The following C1orf21 variants were observed in gnomAD, a reference collection of about 807,000 sequenced individuals.
C1orf21 encodes the protein chromosome 1 open reading frame 21, also known as uncharacterized protein C1orf21.
C1orf21 carries 3 observed loss-of-function variants against 18.7 expected under a neutral mutation model. The ratio of observed to expected loss-of-function variants is 0.16; its 90% CI spans 0.07 to 0.42. C1orf21 has a LOEUF of 0.42. Ranked by LOEUF, C1orf21 falls within the 10% of genes least tolerant of loss-of-function variation. The pLI is 0.99. For synonymous variants in C1orf21, 41 were observed against 46.4 expected (o/e 0.88, Z 0.47); for missense variants, 104 against 143.6 (o/e 0.72, Z 1.41).
At chr1:184,504,122 G>A (rs1209392197) in intron 2 of C1orf21, among the ~76,000 whole-genome samples, 23 of 152,110 alleles carry the variant, frequency 1.5e-4, no homozygotes, top group East Asian at 1.9e-4. Context: ...TCACCCAGGC[G>A]TTGCTTTTAC....
intron 3 of C1orf21, among the ~76,000 whole-genome samples, chr1:184,561,869 A>G (rs1232247315): frequency 1.3e-5 from 2 of 152,052 alleles, no homozygotes; most frequent in Admixed American, 6.6e-5. Flanking sequence ...TCCTGACATC[A>G]TGATCCGCCC....
At chr1:184,588,046 T>C (rs1659382707) in intron 3 of C1orf21, among the ~76,000 whole-genome samples, 3 of 152,228 alleles carry the variant, frequency 2.0e-5, no homozygotes, top group Admixed American at 6.5e-5. Context: ...TAGACGGTTA[T>C]CATGGAGAAA....
intron 1 of C1orf21, among the ~76,000 whole-genome samples, chr1:184,390,186 T>A (rs923266025): frequency 1.3e-5 from 2 of 152,210 alleles, no homozygotes; most frequent in South Asian, 4.1e-4. Flanking sequence ...GAGCATTGCT[T>A]TGTTTGTATT....
chr1:184,463,778 A>C (rs1657344705), intron 1 of C1orf21, among the ~76,000 whole-genome samples: 1 of 152,248 alleles, frequency 6.6e-6, no homozygotes, highest in African/African-American at 2.4e-5. Flanking sequence ...GCCAGGTTGG[A>C]CTGAGATGGA....
At chr1:184,496,355 A>G (rs943232719) in intron 2 of C1orf21, among the ~76,000 whole-genome samples, 12 of 152,194 alleles carry the variant, frequency 7.9e-5, no homozygotes, top group African/African-American at 2.9e-4. Flanking sequence ...AAACTGACAT[A>G]GTGAGAGTAT....
intron 1 of C1orf21, among the ~76,000 whole-genome samples, chr1:184,394,687 G>A (rs891794696): frequency 6.6e-6 from 1 of 152,228 alleles, no homozygotes; most frequent in Non-Finnish European, 1.5e-5. Context: ...GACACAGATA[G>A]TCAGGGTGAC....
Position 184,387,854 on chromosome 1 carries a change from G to C in C1orf21, c.-125+486G>C, listed in dbSNP as rs930935056. 6.6e-5 allele frequency among the ~76,000 whole-genome samples: 10 copies of C among 152,340 alleles called. No individual in the cohort carries two copies. The highest frequency in any genetic ancestry group is 3.4e-3 in the Middle Eastern group (1 of 294). ...GTATCCAAGTCCCTTCTCTCGCTCC[G>C]ACTGATTGATGTGTTTGTGTGGGTG... is the stretch of plus-strand genomic sequence containing the variant. On this transcript the variant is annotated intron_variant, in intron 1 of 5. Transcript: ENST00000235307. This position sits in a 1 kb window ranked among gnomAD's most constrained non-coding sequence, Gnocchi z 5.6.
chr1:184,615,713 T>C lies in C1orf21; in HGVS notation c.328-3805T>C, dbSNP rs191735868. 1.8e-4 allele frequency among the ~76,000 whole-genome samples: 28 copies of C among 152,308 alleles called. No homozygotes were observed. The East Asian group carries it at 5.4e-3, about 29-fold the overall frequency. On this transcript the variant is annotated intron_variant, in intron 5 of 5. Transcript: ENST00000235307. ...TCCCTGTCCTGCCCAGTAGGGCCAG[T>C]GTGCAGATGGGGTCCCCTGTGATGC...
chr1:184,581,395 A>G (rs1471486404), intron 3 of C1orf21, among the ~76,000 whole-genome samples: 1 of 151,032 alleles, frequency 6.6e-6, no homozygotes, highest in African/African-American at 2.4e-5. Flanking sequence ...GTGCCACTGC[A>G]CTCCAGCCTG....
intron 1 of C1orf21, among the ~76,000 whole-genome samples, chr1:184,460,891 G>C (rs560246873): frequency 6.6e-6 from 1 of 151,714 alleles, no homozygotes; most frequent in East Asian, 1.9e-4. Context: ...TTGTACCTGT[G>C]GTACAGCAAA....
At chr1:184,469,844 A>G (rs377410029) in intron 1 of C1orf21, among the ~76,000 whole-genome samples, 23 of 152,202 alleles carry the variant, frequency 1.5e-4, no homozygotes, top group Admixed American at 4.6e-4. Flanking sequence ...TGCAATGTAC[A>G]TTAATCATTG....
chr1:184,516,782 G>C (rs1265290278), intron 3 of C1orf21, among the ~76,000 whole-genome samples: 1 of 152,208 alleles, frequency 6.6e-6, no homozygotes, highest in Non-Finnish European at 1.5e-5. Flanking sequence ...AGTTATGAGA[G>C]TACAATTCAA....
rs1327613969 is a variant in C1orf21 at position 184,621,826 on chromosome 1, C to A, written c.*2270C>A. Reference sequence around the variant, plus strand: ...TTGCCCTGAACCAGCAGATTTTCACCTGGGTTCTGGCTCCGGTGTTTAACA... The same window carrying A: ...TTGCCCTGAACCAGCAGATTTTCACATGGGTTCTGGCTCCGGTGTTTAACA... On this transcript the variant is annotated 3_prime_UTR_variant, in exon 6 of 6. Coordinates refer to ENST00000235307, the MANE Select transcript of C1orf21 (RefSeq NM_030806.4). The A allele has an allele frequency of 6.6e-6, 1 of 152,154 alleles. No homozygotes were observed. Among genetic ancestry groups the A allele is most frequent in the Admixed American group, 6.5e-5 (1 of 15,270 alleles). The allele number at this position is 152,154 out of a possible 1,614,324, so 9.4% of individuals were successfully genotyped here. A position where few individuals can be genotyped will look rare whatever the true frequency, so the allele number is the denominator to read the frequency against.
intron 3 of C1orf21, among the ~76,000 whole-genome samples, chr1:184,565,113 C>CA (rs1032435808): frequency 3.3e-5 from 5 of 152,082 alleles, no homozygotes; most frequent in Admixed American, 6.6e-5. Context: ...GATGTTAGAA[C>CA]AAAAAAGTAT....
chr1:184,422,051 C>T (rs1034974029), intron 1 of C1orf21, among the ~76,000 whole-genome samples: 6 of 152,122 alleles, frequency 3.9e-5, no homozygotes, highest in Admixed American at 6.6e-5. Flanking sequence ...CAACTGAATA[C>T]GTGGGGAGCA....
At chr1:184,461,104 C>G (rs1052648486) in intron 1 of C1orf21, among the ~76,000 whole-genome samples, 5 of 152,084 alleles carry the variant, frequency 3.3e-5, no homozygotes, top group Admixed American at 3.3e-4. Flanking sequence ...TGCTTAGGAC[C>G]CCAGAGCCTC....
intron 3 of C1orf21, among the ~76,000 whole-genome samples, chr1:184,541,176 T>C (rs975210583): frequency 6.6e-6 from 1 of 152,168 alleles, no homozygotes; most frequent in Non-Finnish European, 1.5e-5. Flanking sequence ...TGGAGAAGGG[T>C]GGGATCCCAG....
chr1:184,614,141 C>T (rs1208901112), intron 5 of C1orf21, among the ~76,000 whole-genome samples: 6 of 152,194 alleles, frequency 3.9e-5, no homozygotes, highest in Non-Finnish European at 8.8e-5. Context: ...CCCCATTTCT[C>T]ACCTAGACAG....
rs386368968 is a variant in C1orf21, at chr1:184,584,133, CTTTTTTTTTTTTT to C, written c.190-6596_190-6584del. On this transcript the variant is annotated intron_variant, in intron 3 of 5. Coordinates refer to ENST00000235307, the MANE Select transcript of C1orf21 (RefSeq NM_030806.4). Reference sequence around the variant, plus strand: ...GTTGGTTTGTTTGCTTGTTCTTCTTCTTTTTTTTTTTTTTTTTTTTTTAAGAAAGCAGATCTCT... The same window carrying C: ...GTTGGTTTGTTTGCTTGTTCTTCTTCTTTTTTTTTAAGAAAGCAGATCTCT... 6.8e-3 allele frequency among the ~76,000 whole-genome samples: 765 copies of C among 113,238 alleles called. 3 individuals are homozygous for C. Among genetic ancestry groups the C allele is most frequent in the Middle Eastern group, 0.011 (2 of 186 alleles). The allele number at this position is 113,238 out of a possible 152,430, so 74.3% of individuals were successfully genotyped here. A position where few individuals can be genotyped will look rare whatever the true frequency, so the allele number is the denominator to read the frequency against.
Sources: allele counts gnomAD v4.1 joint callset (sites outside exome capture counted in the v4.1 genomes callset), GRCh38; gene constraint gnomAD v4.1.1; non-coding constraint Gnocchi (gnomAD v3.1); transcripts MANE v1.5; gene names NCBI Gene and HGNC (gene_info 2026-07-23, HGNC 2026-07-21).